Variants in UNC80 observed in about 807,000 individuals in gnomAD.
The protein encoded by UNC80 is unc-80 subunit of NALCN channel complex.
A neutral mutation model predicts 384.6 loss-of-function variants in UNC80; 164 were observed. The observed-to-expected ratio is 0.43, with a 90% confidence interval of 0.38 to 0.49. UNC80 has a LOEUF of 0.49. Ranked by LOEUF, UNC80 falls within the 20% of genes least tolerant of loss-of-function variation. UNC80 has a pLI of 0.00. For synonymous variants in UNC80, 1,486 were observed against 1,527.8 expected (o/e 0.97, Z 0.64); for missense variants, 3,330 against 4,143.0 (o/e 0.80, Z 5.39).
chr2:209,800,491 T>TAA (rs141216729), intron 7 of UNC80, among the ~76,000 whole-genome samples: 3 of 145,236 alleles, frequency 2.1e-5, no homozygotes, highest in African/African-American at 5.0e-5. Flanking sequence ...TTTTGTTATT[T>TAA]AAAAAAAAAA....
At chr2:209,843,719 G>C (rs2081935483) in intron 21 of UNC80, among the ~76,000 whole-genome samples, 2 of 152,096 alleles carry the variant, frequency 1.3e-5, no homozygotes, top group African/African-American at 2.4e-5. Context: ...TATTATTACT[G>C]AACAGGACAA....
intron 11 of UNC80, 79 bp from the exon 12 acceptor site, chr2:209,818,914 T>C: frequency 1.4e-6 from 2 of 1,434,496 alleles, no homozygotes; most frequent in Non-Finnish European, 1.9e-6. Flanking sequence ...GTGGTCATGA[T>C]TGAAGTAATA....
intron 40 of UNC80, among the ~76,000 whole-genome samples, chr2:209,936,223 G>A (rs1458849931): frequency 6.6e-6 from 1 of 152,108 alleles, no homozygotes; most frequent in Non-Finnish European, 1.5e-5. Flanking sequence ...CACGATGAAT[G>A]GTAGGATAGC....
At chr2:209,818,144 A>T (rs1166571931) in intron 11 of UNC80, among the ~76,000 whole-genome samples, 192 bp downstream of exon 11, 1 of 152,170 alleles carries the variant, frequency 6.6e-6, no homozygotes, top group Admixed American at 6.5e-5. Context: ...ACCGCACTGT[A>T]AACACCATAC....
chr2:209,798,649 CTTTATT>C (rs2078325026), intron 7 of UNC80, among the ~76,000 whole-genome samples: 3 of 150,638 alleles, frequency 2.0e-5, no homozygotes, highest in Non-Finnish European at 3.0e-5. Context: ...TACGGCTCTC[CTTTATT>C]TTTATTTTTA....
intron 16 of UNC80, among the ~76,000 whole-genome samples, chr2:209,832,473 T>A (rs981164296): frequency 2.0e-5 from 3 of 152,152 alleles, no homozygotes; most frequent in African/African-American, 7.2e-5. Context: ...ATATTATGAC[T>A]CCTATGCGGA....
chr2:209,939,421 C>A, intron 42 of UNC80, 51 bp from the exon 43 acceptor site: 3 of 1,475,686 alleles, frequency 2.0e-6, no homozygotes, highest in Non-Finnish European at 2.7e-6. Flanking sequence ...GTCTATAAAT[C>A]TGGAGTTTCT....
intron 47 of UNC80, among the ~76,000 whole-genome samples, chr2:209,953,199 C>T (rs1199223649): frequency 6.6e-6 from 1 of 151,992 alleles, no homozygotes; most frequent in Non-Finnish European, 1.5e-5. Flanking sequence ...GGGAAGATTG[C>T]GTGAGGCCAA....
At chr2:209,915,151 G>A (rs1400920998) in intron 31 of UNC80, among the ~76,000 whole-genome samples, 1 of 151,852 alleles carries the variant, frequency 6.6e-6, no homozygotes, top group Non-Finnish European at 1.5e-5. Flanking sequence ...GGAAGATGGT[G>A]TGTGCAAAAC....
At position 209,777,258 on chromosome 2, in the gene UNC80, G is replaced by A; in HGVS notation, c.299G>A (p.Gly100Asp). Residue 100 changes from glycine to aspartate, a missense_variant and splice_region_variant, in exon 4 of 65, where the codon GGC becomes GAC. Transcript: ENST00000673920. ...ATLLSNRNKLGHQDKLGVAET... is the reference protein window; with the variant it reads ...ATLLSNRNKLDHQDKLGVAET... ...CTGCCTGTGTAATTGTCCCATGCAG[G>A]CCACCAGGATAAATTGGGTGTTGCT... 6.3e-7 allele frequency: 1 copy of A among 1,583,604 alleles called. No individual in the cohort carries two copies. The highest frequency in any genetic ancestry group is 8.6e-7 in the Non-Finnish European group (1 of 1,166,638).
chr2:209,864,732 G>A (rs1451331744), intron 22 of UNC80, among the ~76,000 whole-genome samples: 1 of 152,232 alleles, frequency 6.6e-6, no homozygotes, highest in Admixed American at 6.5e-5. Flanking sequence ...GAAAAGCACA[G>A]CCTTGGGCTA....
intron 3 of UNC80, 64 bp from the exon 4 acceptor site, chr2:209,777,194 G>A: frequency 3.4e-6 from 5 of 1,481,640 alleles, no homozygotes; most frequent in Non-Finnish European, 4.5e-6. Context: ...CAGACCCATT[G>A]TTGACATCTA....
intron 7 of UNC80, among the ~76,000 whole-genome samples, chr2:209,805,641 T>C (rs1188931518): frequency 6.6e-6 from 1 of 152,248 alleles, no homozygotes; most frequent in Non-Finnish European, 1.5e-5. Context: ...ACATAGAATC[T>C]GGTTTCCCCA....
At chr2:209,833,741 A>T (rs1206194223) in intron 16 of UNC80, among the ~76,000 whole-genome samples, 1 of 152,202 alleles carries the variant, frequency 6.6e-6, no homozygotes, top group East Asian at 1.9e-4. Flanking sequence ...CTTTCTAATG[A>T]TGCAGCCAAC....
intron 16 of UNC80, among the ~76,000 whole-genome samples, chr2:209,832,735 G>A (rs147370333): frequency 3.2e-3 from 491 of 152,202 alleles, no homozygotes; most frequent in Middle Eastern, 0.017. Context: ...TAATATACAC[G>A]ACTGCTTATA....
At chr2:209,808,717 T>C in intron 7 of UNC80, 1 of 106,060 alleles carries the variant, frequency 9.4e-6, no homozygotes, top group South Asian at 2.7e-4. Flanking sequence ...GCGGAGCGGC[T>C]GCACTCATTG....
chr2:209,836,239 C>T (rs2081327837), intron 18 of UNC80, among the ~76,000 whole-genome samples: 1 of 152,146 alleles, frequency 6.6e-6, no homozygotes, highest in Non-Finnish European at 1.5e-5. Flanking sequence ...AAAATTCAAA[C>T]ATAAGCTCTA....
chr2:209,792,855 C>T (rs754453766), intron 6 of UNC80, among the ~76,000 whole-genome samples: 2 of 152,164 alleles, frequency 1.3e-5, no homozygotes, highest in Non-Finnish European at 2.9e-5. Flanking sequence ...TGTCTTGAGA[C>T]ATAACTGTAA....
chr2:209,954,009 A>G, intron 47 of UNC80, 91 bp from the exon 48 acceptor site: 1 of 1,369,382 alleles, frequency 7.3e-7, no homozygotes, highest in Non-Finnish European at 9.7e-7. Context: ...ATATCTCTAG[A>G]TGCTTTTCAT....
Sources: allele counts gnomAD v4.1 joint callset (sites outside exome capture counted in the v4.1 genomes callset), GRCh38; gene constraint gnomAD v4.1.1; transcripts MANE v1.5; gene names NCBI Gene and HGNC (gene_info 2026-07-23, HGNC 2026-07-21).